Variants in THAP1 observed in about 807,000 individuals in gnomAD.
THAP1 encodes THAP domain containing 1, also known as THAP domain-containing protein 1.
THAP1 carries 6 observed loss-of-function variants against 18.2 expected under a neutral mutation model. The ratio of observed to expected loss-of-function variants is 0.33; its 90% confidence interval spans 0.18 to 0.65. THAP1 has a LOEUF of 0.65. Among genes scored for constraint, THAP1 ranks in the 30% least tolerant of loss-of-function variants. The pLI is 0.74. For synonymous variants in THAP1, 85 were observed against 90.5 expected, an observed-to-expected ratio of 0.94 and a Z score of 0.34; for missense variants, 176 against 253.0, an observed-to-expected ratio of 0.70 and a Z score of 2.06.
At position 42,838,352 on chromosome 8, in the gene THAP1, AAAGT is replaced by A. The variant is rs768944055; in HGVS notation, c.268-20_268-17del. On this transcript the variant is annotated splice_polypyrimidine_tract_variant and intron_variant, in intron 2 of 2. Transcript: ENST00000254250. The stretch of plus-strand genomic sequence containing the variant: ...GATCTTCTTTCTAAAACAAAAATAC[AAAGT>A]ATGTTTGAATTTAGTAACTAAAAAC... 1.2e-6 allele frequency: 2 copies of A among 1,612,722 alleles called. No individual in the cohort carries two copies. Among genetic ancestry groups the A allele is most frequent in the South Asian group, 2.2e-5 (2 of 91,078 alleles).
chr8:42,841,351 G>C (rs899795764), intron 1 of THAP1, among the ~76,000 whole-genome samples: 2 of 143,558 alleles, frequency 1.4e-5, no homozygotes, highest in African/African-American at 5.4e-5. Flanking sequence ...ACCCAAGCTG[G>C]AGTGCAGGGC....
intron 1 of THAP1, among the ~76,000 whole-genome samples, chr8:42,840,910 T>A (rs1177307349): frequency 1.4e-5 from 2 of 140,844 alleles, no homozygotes; most frequent in Non-Finnish European, 3.0e-5. Context: ...GAGGTTGCAC[T>A]GAGCTGAGAT....
Position 42,837,782 on chromosome 8 carries a change from T to C in THAP1, c.*180A>G. Reference sequence around the variant, plus strand: ...ATATTTTGTTAAAATGTAAAAAACCTGAAATTACAAACAAAAAAATTTATA... The same window carrying C: ...ATATTTTGTTAAAATGTAAAAAACCCGAAATTACAAACAAAAAAATTTATA... On this transcript the variant is annotated 3_prime_UTR_variant, in exon 3 of 3. Transcript: ENST00000254250. 1 of 539,884 alleles carries C rather than the reference T, an allele frequency of 1.9e-6. No homozygotes were observed. Among genetic ancestry groups the C allele is most frequent in the Non-Finnish European group, 2.8e-6 (1 of 361,968 alleles). The allele number at this position is 539,884 out of a possible 1,614,324, so 33.4% of individuals were successfully genotyped here.
Position 42,837,729 on chromosome 8 carries a change from G to A in THAP1, c.*233C>T. 1 of 303,390 alleles carries A rather than the reference G, an allele frequency of 3.3e-6. No individual in the cohort carries two copies. The highest frequency in any genetic ancestry group is 5.8e-6 in the Non-Finnish European group (1 of 173,434). The allele number at this position is 303,390 out of a possible 1,614,324, so 18.8% of individuals were successfully genotyped here. A position where few individuals can be genotyped will look rare whatever the true frequency, so the allele number is the denominator to read the frequency against. On this transcript the variant is annotated 3_prime_UTR_variant, in exon 3 of 3. Transcript: ENST00000254250. Reference sequence around the variant, plus strand: ...AATCTTGAAACCAACTTACATTAGAGGTCTGAGGTTAGTTTATAACTTTTA... The same window carrying A: ...AATCTTGAAACCAACTTACATTAGAAGTCTGAGGTTAGTTTATAACTTTTA...
chr8:42,840,772 T>G (rs1802701686), intron 1 of THAP1, among the ~76,000 whole-genome samples: 1 of 151,832 alleles, frequency 6.6e-6, no homozygotes, highest in Non-Finnish European at 1.5e-5. Context: ...ATGGAGACCA[T>G]CCTGGCCAAC....
rs1802724532 is a variant in THAP1, at chr8:42,841,877, C to CT, written c.71+1146dup. On this transcript the variant is annotated intron_variant, in intron 1 of 2. Transcript: ENST00000254250. ...TAACATTATTACTCTGGAGACCTCT[C>CT]TATGTTCTACACACTCTTATTTCTA... Among the ~76,000 whole-genome samples, 4 of 151,972 alleles carry CT rather than the reference C, an allele frequency of 2.6e-5. No individual in the cohort carries two copies. The South Asian group carries it at 8.3e-4, about 32-fold the overall frequency.
rs749342762 is a variant in THAP1 at position 42,838,220 on chromosome 8, A to G, written c.384T>C (p.Asn128=). The G allele has an allele frequency of 3.7e-6, 6 of 1,614,136 alleles. No homozygotes were observed. In the South Asian group the frequency reaches 6.6e-5, roughly 18 times the overall value. The stretch of plus-strand genomic sequence containing the variant: ...AGTTGTGGTCACAGAAAACTGAGAG[A>G]TTAACAGGGGTCTGAAGAGGCGGCA... ...LLMPPLQTPV[N]LSVFCDHNYT... Residue 128 remains asparagine, a synonymous_variant, in exon 3 of 3, where the codon AAT becomes AAC. Transcript: ENST00000254250.
In THAP1 at chr8:42,843,302, C is replaced by A. The variant is rs1034178562; in HGVS notation, c.-208G>T. 2.5e-5 allele frequency: 16 copies of A among 633,356 alleles called. No homozygotes were observed. Among genetic ancestry groups the A allele is most frequent in the Non-Finnish European group, 4.3e-5 (15 of 350,962 alleles). The allele number at this position is 633,356 out of a possible 1,614,324, so 39.2% of individuals were successfully genotyped here. On this transcript the variant is annotated 5_prime_UTR_variant, in exon 1 of 3. Coordinates refer to ENST00000254250, the MANE Select transcript of THAP1 (RefSeq NM_018105.3). Reference sequence around the variant, plus strand: ...ACCACAGCCATCGCCCGTCTCCCATCTCCAAGATGGCGGAGGCAGCTTCAA... The same window carrying A: ...ACCACAGCCATCGCCCGTCTCCCATATCCAAGATGGCGGAGGCAGCTTCAA...
intron 1 of THAP1, among the ~76,000 whole-genome samples, chr8:42,841,461 G>T (rs774589704): frequency 1.3e-5 from 2 of 152,094 alleles, no homozygotes; most frequent in African/African-American, 2.4e-5. Context: ...CCTGTATTTT[G>T]TATTTTTAGT....
chr8:42,839,692 G>A (rs532941744), intron 1 of THAP1, among the ~76,000 whole-genome samples: 5 of 152,226 alleles, frequency 3.3e-5, no homozygotes, highest in East Asian at 1.9e-4. Context: ...GGACTCAGGC[G>A]TGCGCCACCA....
chr8:42,840,807 A>G (rs566214690), intron 1 of THAP1, among the ~76,000 whole-genome samples: 4 of 152,008 alleles, frequency 2.6e-5, no homozygotes, highest in Non-Finnish European at 5.9e-5. Flanking sequence ...TCTCTACTAA[A>G]AATACAAAAA....
rs1802627006 is a variant in THAP1, at chr8:42,837,077, T to C, written c.*885A>G. On this transcript the variant is annotated 3_prime_UTR_variant, in exon 3 of 3. Coordinates refer to ENST00000254250, the MANE Select transcript of THAP1 (RefSeq NM_018105.3). ...GTGCAAGATTATCATATGATACAAA[T>C]CAAACTCTACTAACACAGCACATTT... 1 of 152,198 alleles carries C rather than the reference T, an allele frequency of 6.6e-6. No homozygotes were observed. Among genetic ancestry groups the C allele is most frequent in the African/African-American group, 2.4e-5 (1 of 41,444 alleles). 9.4% of individuals were successfully genotyped at this position (152,198 alleles called of 1,614,324 possible).
At position 42,840,965 on chromosome 8, in the gene THAP1, CAAAAAAA is replaced by C. The variant is rs1029278824; in HGVS notation, c.72-1591_72-1585del. ...CTGGTGACAGAGCAAGACTCCATCT[CAAAAAAA>C]AAAAAAAAAAAAAAAGAAAGAAAAT... is the stretch of plus-strand genomic sequence containing the variant. On this transcript the variant is annotated intron_variant, in intron 1 of 2. Coordinates refer to ENST00000254250, the MANE Select transcript of THAP1 (RefSeq NM_018105.3). 9.5e-3 allele frequency among the ~76,000 whole-genome samples: 446 copies of C among 47,080 alleles called. 3 individuals carry two copies. Among genetic ancestry groups the C allele is most frequent in the South Asian group, 0.04 (51 of 1,288 alleles). The allele number at this position is 47,080 out of a possible 152,430, so 30.9% of individuals were successfully genotyped here.
rs576818958 is a variant in THAP1 at position 42,839,246 on chromosome 8, G to A, written c.207C>T (p.Asn69=). The change falls in exon 2 of 3, where the codon AAC becomes AAT. Residue 69 remains asparagine, a synonymous_variant. Coordinates refer to ENST00000254250, the MANE Select transcript of THAP1 (RefSeq NM_018105.3). ...TPDCFKRECN[N]KLLKENAVPT... The stretch of plus-strand genomic sequence containing the variant: ...GCACAGCATTCTCTTTCAGTAACTT[G>A]TTGTTGCACTCTCTCTTAAAGCAGT... 2 of 1,614,120 alleles carry A rather than the reference G, an allele frequency of 1.2e-6. No individual in the cohort carries two copies. The highest frequency in any genetic ancestry group is 1.3e-5 in the African/African-American group (1 of 75,046).
chr8:42,840,826 G>A (rs975157861), intron 1 of THAP1, among the ~76,000 whole-genome samples: 11 of 152,014 alleles, frequency 7.2e-5, no homozygotes, highest in Non-Finnish European at 1.5e-4. Context: ...AATTAGCTGG[G>A]CGTGGTGGTG....
At chr8:42,842,667 T>A (rs1802745169) in intron 1 of THAP1, 1 of 156,246 alleles carries the variant, frequency 6.4e-6, no homozygotes, top group Non-Finnish European at 1.4e-5. Context: ...TATTTTAAAT[T>A]TACCCCTAAG....
intron 1 of THAP1, among the ~76,000 whole-genome samples, chr8:42,842,108 T>TACC (rs1802729575): frequency 6.6e-6 from 1 of 152,256 alleles, no homozygotes; most frequent in Non-Finnish European, 1.5e-5. Context: ...TCTGATTTCT[T>TACC]ACCTATCATC....
intron 1 of THAP1, 48 bp from the exon 2 acceptor site, chr8:42,839,429 ATAAAG>A: frequency 3.1e-6 from 5 of 1,602,428 alleles, no homozygotes; most frequent in Non-Finnish European, 4.3e-6. Context: ...TTTTAAATAA[ATAAAG>A]GCACCCAAAC....
At chr8:42,842,948 C>A in intron 1 of THAP1, 76 bp downstream of exon 1, 1 of 1,148,562 alleles carries the variant, frequency 8.7e-7, no homozygotes, top group Admixed American at 4.3e-5. Flanking sequence ...ACGCGCCTGG[C>A]TCCGCCCCCG....
Sources: gnomAD v4.1 joint callset for allele counts (sites outside exome capture counted in the v4.1 genomes callset) on GRCh38, gnomAD v4.1.1 for gene constraint, MANE v1.5 for transcripts, NCBI Gene and HGNC (gene_info 2026-07-23, HGNC 2026-07-21) for gene names.